The following HRG variants were observed in gnomAD, a reference collection of about 807,000 sequenced individuals.
The protein encoded by HRG is histidine-rich glycoprotein.
A neutral mutation model predicts 29.5 loss-of-function variants in HRG; 26 were observed. That is an observed-to-expected ratio of 0.88 (90% CI 0.65 to 1.22). The LOEUF (loss-of-function observed/expected upper bound fraction) is 1.22. Among genes scored for constraint, HRG ranks in the 50% most tolerant of loss-of-function variants. HRG has a pLI of 0.00. For missense variants in HRG, 671 were observed against 654.5 expected (o/e 1.03, Z -0.28); for synonymous variants, 243 against 240.4 (o/e 1.01, Z -0.10).
In HRG at chr3:186,667,060, G is replaced by A. The variant is rs1194815354; in HGVS notation, c.183+846G>A. ...ATTCACAAAGGCTGTGCAGAATGCA[G>A]AAGTGTGATGGGACAAAAGGCTGTA... On this transcript the variant is annotated intron_variant, in intron 1 of 6. Coordinates refer to ENST00000232003, the MANE Select transcript of HRG (RefSeq NM_000412.5). 3 of 152,272 alleles carry A rather than the reference G, an allele frequency of 2.0e-5. No individual in the cohort carries two copies. In the East Asian group the frequency reaches 5.8e-4, roughly 29 times the overall value. The allele number at this position is 152,272 out of a possible 1,614,324, so 9.4% of individuals were successfully genotyped here. A position where few individuals can be genotyped will look rare whatever the true frequency, so the allele number is the denominator to read the frequency against.
rs140228181 is a variant in HRG, at chr3:186,671,624, C to A, written c.393C>A (p.Val131=). ...GACACTGCTATCTTCTTTCTCCAGT[C>A]TCTTCAGCACTGGCCAATACCAAAG... ...VIDFNCTTSS[V]SSALANTKDS... The change falls in exon 4 of 7, where the codon GTC becomes GTA. Residue 131 remains valine (V), a splice_region_variant and synonymous_variant. Coordinates refer to ENST00000232003, the MANE Select transcript of HRG (RefSeq NM_000412.5). 1,246 of 1,613,700 alleles carry A rather than the reference C, an allele frequency of 7.7e-4. 6 individuals carry two copies. The African/African-American group carries it at 0.015, about 19-fold the overall frequency.
At chr3:186,675,039 T>C (rs768259397) in intron 5 of HRG, 50 bp from the exon 6 acceptor site, 5 of 1,265,348 alleles carry the variant, frequency 4.0e-6, no homozygotes, top group Middle Eastern at 1.9e-4. Context: ...TGGCTGGTCA[T>C]CTTCACACCA....
rs1719064076 is a variant in HRG at position 186,677,999 on chromosome 3, C to A, written c.*116C>A. ...TCAACCTACTTTCATACTGAAGATG[C>A]AGCAAAATGTGAATGGGAAAAGAGA... is the stretch of plus-strand genomic sequence containing the variant. On this transcript the variant is annotated 3_prime_UTR_variant, in exon 7 of 7. Coordinates refer to ENST00000232003, the MANE Select transcript of HRG (RefSeq NM_000412.5). The A allele has an allele frequency of 9.8e-6, 10 of 1,022,352 alleles. No homozygotes were observed. The highest frequency in any genetic ancestry group is 8.2e-5 in the Admixed American group (4 of 48,566). The allele number at this position is 1,022,352 out of a possible 1,614,324, so 63.3% of individuals were successfully genotyped here.
At chr3:186,668,910 A>G in intron 1 of HRG, 25 bp from the exon 2 acceptor site, 1 of 1,270,568 alleles carries the variant, frequency 7.9e-7, no homozygotes, top group Non-Finnish European at 1.2e-6. Context: ...TGTGCTACTC[A>G]CATGTTGCTT....
Position 186,677,845 on chromosome 3 carries a change from C to T in HRG, c.1540C>T (p.Gln514Ter), listed in dbSNP as rs1719058268. Reference protein sequence around the residue: ...CPGKFKSGFPQVSMFFTHTFP... With the variant: ...CPGKFKSGFP The stretch of plus-strand genomic sequence containing the variant: ...AGGGAAGTTCAAGAGTGGGTTTCCA[C>T]AAGTTTCCATGTTTTTTACACATAC... Residue 514 changes from glutamine (Q) to a stop codon, truncating the protein, a stop_gained, in exon 7 of 7, where the codon CAA becomes TAA. Transcript: ENST00000232003. LOFTEE classifies it low-confidence loss of function (END_TRUNC). 6.2e-7 allele frequency: 1 copy of T among 1,614,062 alleles called. No individual in the cohort carries two copies. The highest frequency in any genetic ancestry group is 2.2e-5 in the East Asian group (1 of 44,892).
intron 5 of HRG, chr3:186,674,195 T>G (rs1478261535): frequency 6.6e-6 from 1 of 151,978 alleles, no homozygotes; most frequent in Non-Finnish European, 1.5e-5. Flanking sequence ...AAAAGACACC[T>G]CCCTCCCCTA....
In HRG at chr3:186,669,950, T is replaced by C. The variant is rs1373592423; in HGVS notation, c.313T>C (p.Cys105Arg). ...CTCTTTCTTACAGGTGATCGGACAA[T>C]GTAAGGTAATAGCTACAAGACATTC... ...RRPSEIVIGQ[C>R]KVIATRHSHE... Residue 105 changes from cysteine to arginine, a missense_variant, in exon 3 of 7, where the codon TGT becomes CGT. Cys to Arg is a radical substitution (Grantham distance 180). Transcript: ENST00000232003. The C allele has an allele frequency of 2.5e-6, 4 of 1,580,662 alleles. No homozygotes were observed. Among genetic ancestry groups the C allele is most frequent in the Non-Finnish European group, 3.5e-6 (4 of 1,151,324 alleles).
Position 186,672,859 on chromosome 3 carries a change from C to G in HRG, c.631C>G (p.His211Asp). The G allele has an allele frequency of 6.2e-7, 1 of 1,603,064 alleles. No individual in the cohort carries two copies. Among genetic ancestry groups the G allele is most frequent in the Non-Finnish European group, 8.5e-7 (1 of 1,170,160 alleles). Reference sequence around the variant, plus strand: ...CTGCCCCAGACACCATTTCCCCAGACACCCCAATGTGAGTATAAGAAATGT... The same window carrying G: ...CTGCCCCAGACACCATTTCCCCAGAGACCCCAATGTGAGTATAAGAAATGT... ...RNCPRHHFPR[H>D]PNVFGFCRAD... is the part of the protein sequence containing the mutation. Residue 211 changes from histidine to aspartate, a missense_variant, in exon 5 of 7, where the codon CAC becomes GAC. Physicochemically the swap from His to Asp is moderately conservative, Grantham distance 81. Coordinates refer to ENST00000232003, the MANE Select transcript of HRG (RefSeq NM_000412.5).
rs777860777 is a variant in HRG, at chr3:186,677,291, A to G, written c.986A>G (p.His329Arg). 1.9e-6 allele frequency: 3 copies of G among 1,614,156 alleles called. No individual in the cohort carries two copies. The highest frequency in any genetic ancestry group is 2.2e-5 in the South Asian group (2 of 91,076). The change falls in exon 7 of 7, where the codon CAT becomes CGT. Residue 329 changes from histidine (H) to arginine (R), a missense_variant. Transcript: ENST00000232003. Reference sequence around the variant, plus strand: ...CCCATGTCCTGCTCAAGTTGTCAACATGCCACTTTTGGCACAAATGGGGCC... The same window carrying G: ...CCCATGTCCTGCTCAAGTTGTCAACGTGCCACTTTTGGCACAAATGGGGCC... ...LLPMSCSSCQ[H>R]ATFGTNGAQR... is the part of the protein sequence containing the mutation.
intron 1 of HRG, among the ~76,000 whole-genome samples, chr3:186,668,413 G>C (rs1277468119): frequency 6.6e-6 from 1 of 152,164 alleles, no homozygotes; most frequent in Admixed American, 6.5e-5. Flanking sequence ...CATCTCGTAG[G>C]TTTACATGTT....
At chr3:186,676,301 T>A (rs1222594237) in intron 6 of HRG, among the ~76,000 whole-genome samples, 2 of 152,160 alleles carry the variant, frequency 1.3e-5, no homozygotes, top group African/African-American at 2.4e-5. Context: ...AAGGCACTAG[T>A]TTTCCAGTGT....
intron 5 of HRG, chr3:186,674,533 G>A (rs759893509): frequency 4.5e-5 from 8 of 176,880 alleles, no homozygotes; most frequent in Non-Finnish European, 8.5e-5. Context: ...TGTCCTAGTC[G>A]ATCTTTCACA....
chr3:186,671,475 A>C, intron 3 of HRG, 148 bp from the exon 4 acceptor site: 2 of 826,018 alleles, frequency 2.4e-6, no homozygotes, highest in African/African-American at 1.7e-5. Context: ...TCGGTTGCCA[A>C]ATGGCTGATT....
chr3:186,673,008 G>A (rs533283315), intron 5 of HRG, 141 bp downstream of exon 5: 3 of 712,984 alleles, frequency 4.2e-6, no homozygotes, highest in South Asian at 3.0e-5. Context: ...GGAGGAGAAG[G>A]AGGAAGAAAT....
rs1397119540 is a variant in HRG, at chr3:186,670,541, TTTTA to T, written c.391+525_391+528del. ...GTATTAACTCTAAATTCCACAGCTTTTTTATTTATTTATTTTTATTTTTGAGACA... is the reference window on the plus strand; with the variant it reads ...GTATTAACTCTAAATTCCACAGCTTTTTTATTTATTTTTATTTTTGAGACA... On this transcript the variant is annotated intron_variant, in intron 3 of 6. Transcript: ENST00000232003. Among the ~76,000 whole-genome samples, 4 of 152,262 alleles carry T rather than the reference TTTTA, an allele frequency of 2.6e-5. No individual in the cohort carries two copies. The East Asian group carries it at 7.7e-4, about 29-fold the overall frequency.
At chr3:186,673,654 A>C (rs1718880319) in intron 5 of HRG, 1 of 152,246 alleles carries the variant, frequency 6.6e-6, no homozygotes, top group Non-Finnish European at 1.5e-5. Context: ...TTAATTCCAC[A>C]TCATCACACT....
chr3:186,668,922 T>C lies in HRG; in HGVS notation c.184-13T>C. 1 of 1,452,090 alleles carries C rather than the reference T, an allele frequency of 6.9e-7. No homozygotes were observed. Among genetic ancestry groups the C allele is most frequent in the Non-Finnish European group, 9.7e-7 (1 of 1,032,276 alleles). The allele number at this position is 1,452,090 out of a possible 1,614,324, so 90.0% of individuals were successfully genotyped here. ...CCATGTGCTACTCACATGTTGCTTTTGGCATTCCTCAGGAAAATACAACTG... is the reference window on the plus strand; with the variant it reads ...CCATGTGCTACTCACATGTTGCTTTCGGCATTCCTCAGGAAAATACAACTG... On this transcript the variant is annotated splice_polypyrimidine_tract_variant and intron_variant, in intron 1 of 6. Coordinates refer to ENST00000232003, the MANE Select transcript of HRG (RefSeq NM_000412.5).
rs781626488 is a variant in HRG at position 186,669,057 on chromosome 3, T to A, written c.300+6T>A. 6.4e-6 allele frequency: 9 copies of A among 1,405,456 alleles called. No homozygotes were observed. Among genetic ancestry groups the A allele is most frequent in the Non-Finnish European group, 9.1e-6 (9 of 989,300 alleles). The allele number at this position is 1,405,456 out of a possible 1,614,324, so 87.1% of individuals were successfully genotyped here. On this transcript the variant is annotated splice_donor_region_variant and intron_variant, in intron 2 of 6. Coordinates refer to ENST00000232003, the MANE Select transcript of HRG (RefSeq NM_000412.5). ...CCAGACGTCCATCTGAAATAGTAAG[T>A]AAAGAGGGCACCTTCACTCTGCTCT...
At chr3:186,671,467 G>A (rs998199736) in intron 3 of HRG, among the ~76,000 whole-genome samples, 156 bp from the exon 4 acceptor site, 28 of 151,870 alleles carry the variant, frequency 1.8e-4, no homozygotes, top group African/African-American at 5.6e-4. Flanking sequence ...AGTTTAGTTC[G>A]GTTGCCAAAT....
Sources: allele counts gnomAD v4.1 joint callset (sites outside exome capture counted in the v4.1 genomes callset), GRCh38; gene constraint gnomAD v4.1.1; transcripts MANE v1.5; gene names NCBI Gene and HGNC (gene_info 2026-07-23, HGNC 2026-07-21).